The following EYA1 variants were observed in gnomAD, a reference collection of about 807,000 sequenced individuals.
EYA1 encodes the protein protein phosphatase EYA1.
A neutral mutation model predicts 82.0 loss-of-function variants in EYA1; 16 were observed. That is an observed-to-expected ratio of 0.20 (90% CI 0.13 to 0.30). The LOEUF (loss-of-function observed/expected upper bound fraction) is 0.30. Among genes scored for constraint, EYA1 ranks in the 10% least tolerant of loss-of-function variants. EYA1 has a pLI of 1.00. For missense variants in EYA1, 633 were observed against 730.7 expected (o/e 0.87, Z 1.54); for synonymous variants, 261 against 264.4 (o/e 0.99, Z 0.12).
chr8:71,239,389 C>T (rs1246578336), intron 12 of EYA1, among the ~76,000 whole-genome samples: 2 of 152,102 alleles, frequency 1.3e-5, no homozygotes, highest in Non-Finnish European at 2.9e-5. Flanking sequence ...AAACAAAAAT[C>T]GGTATTCTAG....
chr8:71,222,153 C>G (rs191061635), intron 12 of EYA1, among the ~76,000 whole-genome samples: 1 of 152,142 alleles, frequency 6.6e-6, no homozygotes, highest in Non-Finnish European at 1.5e-5. Flanking sequence ...CTCATGCCCC[C>G]CAGTTGAATT....
At chr8:71,440,245 G>A (rs1806317148) in intron 2 of EYA1, among the ~76,000 whole-genome samples, 2 of 152,192 alleles carry the variant, frequency 1.3e-5, no homozygotes, top group South Asian at 4.1e-4. Flanking sequence ...AAGCTAACGA[G>A]TTTGAGTTTT....
chr8:71,306,452 G>C (rs937198050), intron 7 of EYA1, among the ~76,000 whole-genome samples: 2 of 152,016 alleles, frequency 1.3e-5, no homozygotes, highest in African/African-American at 4.8e-5. Flanking sequence ...TGCCGGGGGT[G>C]GGGGAAAAGC....
At chr8:71,299,509 T>G (rs1819961971) in intron 8 of EYA1, 129 bp downstream of exon 8, 1 of 737,142 alleles carries the variant, frequency 1.4e-6, no homozygotes, top group Admixed American at 2.2e-5. Context: ...ACTGCTAAAG[T>G]GAATTTTAAA....
intron 12 of EYA1, among the ~76,000 whole-genome samples, chr8:71,230,118 T>G (rs1430241843): frequency 6.6e-6 from 1 of 152,122 alleles, no homozygotes; most frequent in African/African-American, 2.4e-5. Flanking sequence ...AAACACATTT[T>G]GGGGAAGTTG....
chr8:71,304,474 A>AG (rs1333325510), intron 7 of EYA1, among the ~76,000 whole-genome samples: 1 of 142,578 alleles, frequency 7.0e-6, no homozygotes, highest in Non-Finnish European at 1.6e-5. Flanking sequence ...AAACTGCCTC[A>AG]GAGTCATTAG....
intron 1 of EYA1, among the ~76,000 whole-genome samples, chr8:71,357,388 A>G (rs1826993665): frequency 6.6e-6 from 1 of 152,262 alleles, no homozygotes; most frequent in Non-Finnish European, 1.5e-5. Context: ...AGGCTTTGAC[A>G]GTCACTGCCC....
At position 71,197,511 on chromosome 8, in the gene EYA1, C is replaced by T. The variant is rs1034984811; in HGVS notation, c.*1829G>A. 3.9e-5 allele frequency: 6 copies of T among 152,528 alleles called. No homozygotes were observed. The highest frequency in any genetic ancestry group is 1.4e-4 in the African/African-American group (6 of 41,436). 9.4% of individuals were successfully genotyped at this position (152,528 alleles called of 1,614,324 possible). A position where few individuals can be genotyped will look rare whatever the true frequency, so the allele number is the denominator to read the frequency against. On this transcript the variant is annotated 3_prime_UTR_variant, in exon 18 of 18. Transcript: ENST00000340726. ...AAAATTCTGTACACAACGGTGGACA[C>T]AGCACACCTTTATACAGTAAGGCCA...
At chr8:71,516,559 C>T (rs2129263024) in intron 2 of EYA1, among the ~76,000 whole-genome samples, 1 of 152,292 alleles carries the variant, frequency 6.6e-6, no homozygotes, top group South Asian at 2.1e-4. Flanking sequence ...CAGCCAGTAA[C>T]ACATAAATGA....
At chr8:71,543,161 T>C (rs1442663906) in intron 1 of EYA1, among the ~76,000 whole-genome samples, 3 of 152,174 alleles carry the variant, frequency 2.0e-5, no homozygotes, top group Admixed American at 2.0e-4. Flanking sequence ...CCAGGGTTTT[T>C]ATAGTTTTGG....
At chr8:71,544,194 GA>G (rs776000167) in intron 1 of EYA1, among the ~76,000 whole-genome samples, 1 of 152,222 alleles carries the variant, frequency 6.6e-6, no homozygotes, top group Non-Finnish European at 1.5e-5. Context: ...AAAGGTTCAA[GA>G]AATCGGTCTC....
chr8:71,437,881 A>G (rs1482993202), intron 2 of EYA1, among the ~76,000 whole-genome samples: 4 of 152,178 alleles, frequency 2.6e-5, no homozygotes, highest in Middle Eastern at 3.2e-3. Context: ...TTGATAGATA[A>G]TAAAGCCAAG....
chr8:71,266,040 C>G (rs1214568636), intron 11 of EYA1, among the ~76,000 whole-genome samples: 1 of 152,154 alleles, frequency 6.6e-6, no homozygotes, highest in Non-Finnish European at 1.5e-5. Flanking sequence ...CTGTAACATG[C>G]CCTAATTTTG....
chr8:71,312,142 G>C (rs775404108), intron 7 of EYA1, among the ~76,000 whole-genome samples: 3 of 152,210 alleles, frequency 2.0e-5, no homozygotes, highest in Non-Finnish European at 4.4e-5. Context: ...TTTTTTTAGA[G>C]CTTCATGAAT....
At chr8:71,199,451 C>G (rs1255709674) in intron 17 of EYA1, 31 bp from the exon 18 acceptor site, 2 of 1,538,726 alleles carry the variant, frequency 1.3e-6, no homozygotes, top group Non-Finnish European at 1.8e-6. Flanking sequence ...CATGTGAGGA[C>G]AGAGCACCCA....
chr8:71,476,125 C>T (rs146706620), intron 2 of EYA1, among the ~76,000 whole-genome samples: 2,017 of 152,226 alleles, frequency 0.013, 14 homozygotes, highest in Non-Finnish European at 0.02. Flanking sequence ...ACATATACCC[C>T]CCAATCCTTC....
intron 2 of EYA1, among the ~76,000 whole-genome samples, chr8:71,478,723 T>C (rs1451497096): frequency 1.3e-5 from 2 of 152,088 alleles, no homozygotes; most frequent in Non-Finnish European, 2.9e-5. Context: ...ATGCTCACAA[T>C]GGGGTCACAG....
chr8:71,381,164 C>G (rs1264478017), intron 2 of EYA1, among the ~76,000 whole-genome samples: 1 of 152,226 alleles, frequency 6.6e-6, no homozygotes, highest in East Asian at 1.9e-4. Context: ...TTCACTCTGG[C>G]CTGGGGTCAC....
chr8:71,418,563 C>T (rs1384152491), intron 2 of EYA1, among the ~76,000 whole-genome samples: 4 of 152,032 alleles, frequency 2.6e-5, no homozygotes, highest in African/African-American at 9.7e-5. Flanking sequence ...CACCCTTCCA[C>T]ACACACACAC....
Sources: gnomAD v4.1 joint callset for allele counts (sites outside exome capture counted in the v4.1 genomes callset) on GRCh38, gnomAD v4.1.1 for gene constraint, MANE v1.5 for transcripts, NCBI Gene and HGNC (gene_info 2026-07-23, HGNC 2026-07-21) for gene names.